The following PLCL2 variants were observed in gnomAD, a reference collection of about 807,000 sequenced individuals.
PLCL2 encodes phospholipase C like 2.
Under a neutral mutation model 79.6 loss-of-function variants are expected in PLCL2, and 4 were observed. The observed-to-expected ratio is 0.05, with a 90% CI of 0.02 to 0.11. The LOEUF is 0.11. PLCL2 is among the 10% of genes least tolerant of loss of function. PLCL2 has a pLI of 1.00. For missense variants in PLCL2, 895 were observed against 1,291.0 expected, an observed-to-expected ratio of 0.69 and a Z score of 4.70; for synonymous variants, 484 against 457.7, an observed-to-expected ratio of 1.06 and a Z score of -0.73.
intron 4 of PLCL2, among the ~76,000 whole-genome samples, chr3:17,053,733 G>A (rs1441269403): frequency 6.6e-6 from 1 of 152,158 alleles, no homozygotes. Flanking sequence ...TCGAAAGGGA[G>A]AAATCAGCCA....
At chr3:16,987,035 CCAG>C (rs2064057106) in intron 1 of PLCL2, among the ~76,000 whole-genome samples, 1 of 151,018 alleles carries the variant, frequency 6.6e-6, no homozygotes, top group Admixed American at 6.6e-5. Context: ...GGTCTGGGTG[CCAG>C]ACCCCATAAA....
intron 3 of PLCL2, among the ~76,000 whole-genome samples, chr3:17,027,842 A>G (rs965093253): frequency 6.6e-6 from 1 of 152,222 alleles, no homozygotes; most frequent in African/African-American, 2.4e-5. Context: ...TAAAGAAACA[A>G]GAGGTGGAAA....
At chr3:17,013,972 A>C (rs1298048856) in intron 2 of PLCL2, among the ~76,000 whole-genome samples, 2 of 152,232 alleles carry the variant, frequency 1.3e-5, no homozygotes, top group African/African-American at 4.8e-5. Flanking sequence ...AAATGGAAGT[A>C]ATGTGTAATA....
intron 1 of PLCL2, among the ~76,000 whole-genome samples, chr3:16,986,293 C>G (rs1176325773): frequency 1.3e-5 from 2 of 152,092 alleles, no homozygotes; most frequent in African/African-American, 4.8e-5. Context: ...TATGGTTCCC[C>G]TAGTGCTGGG....
intron 1 of PLCL2, among the ~76,000 whole-genome samples, chr3:16,939,201 G>A (rs1463265183): frequency 3.3e-5 from 5 of 152,186 alleles, no homozygotes; most frequent in African/African-American, 4.8e-5. Context: ...TGAGAGTCTA[G>A]TAGCTGTTGG....
At chr3:16,956,209 A>G (rs988522055) in intron 1 of PLCL2, among the ~76,000 whole-genome samples, 2 of 152,126 alleles carry the variant, frequency 1.3e-5, no homozygotes, top group Admixed American at 1.3e-4. Context: ...TCCCATCAAT[A>G]CCTAATTTAT....
At chr3:16,973,518 CTG>C (rs777202316) in intron 1 of PLCL2, among the ~76,000 whole-genome samples, 96 of 152,208 alleles carry the variant, frequency 6.3e-4, no homozygotes, top group Non-Finnish European at 9.7e-4. Context: ...CTAGAAATCT[CTG>C]TATTCCTTAA....
Position 16,903,704 on chromosome 3 carries a change from A to G in PLCL2, c.327+18338A>G, listed in dbSNP as rs552264341. 1.8e-4 allele frequency among the ~76,000 whole-genome samples: 27 copies of G among 152,326 alleles called. No homozygotes were observed. In the East Asian group the frequency reaches 3.7e-3, roughly 21 times the overall value. On this transcript the variant is annotated intron_variant, in intron 1 of 5. Transcript: ENST00000615277. ...AGCAAAGTCATGTGTTATATGGTCA[A>G]GTGGGAGAAGTCACACCTAACTGGA...
intron 4 of PLCL2, among the ~76,000 whole-genome samples, chr3:17,065,344 A>C (rs1043803997): frequency 1.3e-5 from 2 of 152,164 alleles, no homozygotes; most frequent in Admixed American, 1.3e-4. Context: ...TGCATCTTCA[A>C]GTCCCCAATC....
At chr3:16,947,592 G>A (rs2063614480) in intron 1 of PLCL2, among the ~76,000 whole-genome samples, 1 of 152,086 alleles carries the variant, frequency 6.6e-6, no homozygotes, top group Admixed American at 6.6e-5. Flanking sequence ...TCCTCTGCCT[G>A]CTTTTCAACA....
intron 3 of PLCL2, among the ~76,000 whole-genome samples, chr3:17,032,599 A>C (rs1010171232): frequency 2.6e-5 from 4 of 152,028 alleles, no homozygotes; most frequent in Non-Finnish European, 5.9e-5. Context: ...TGTATTACTA[A>C]GGACTTCTAG....
intron 1 of PLCL2, among the ~76,000 whole-genome samples, chr3:16,907,733 T>TATTATTATTATTAATTATTAG (rs1428688203): frequency 6.6e-6 from 1 of 152,178 alleles, no homozygotes; most frequent in Non-Finnish European, 1.5e-5. Context: ...AGCACAGCTT[T>TATTATTATTATTAATTATTAG]CAATAATTAT....
intron 5 of PLCL2, among the ~76,000 whole-genome samples, chr3:17,077,792 C>A (rs1167296142): frequency 6.6e-6 from 1 of 152,174 alleles, no homozygotes; most frequent in African/African-American, 2.4e-5. Context: ...GGGACAGGGA[C>A]CTCAGGGAAC....
intron 2 of PLCL2, among the ~76,000 whole-genome samples, chr3:17,012,454 G>GTA (rs1242781554): frequency 2.0e-5 from 3 of 152,072 alleles, no homozygotes; most frequent in African/African-American, 7.2e-5. Context: ...TTTTCTAATA[G>GTA]TATACATGGG....
chr3:16,975,038 G>A (rs2063910046), intron 1 of PLCL2, among the ~76,000 whole-genome samples: 1 of 152,208 alleles, frequency 6.6e-6, no homozygotes, highest in Non-Finnish European at 1.5e-5. Flanking sequence ...TCAAGTAGAG[G>A]AAAGGGTGCT....
chr3:17,050,395 G>T (rs951322364), intron 4 of PLCL2, among the ~76,000 whole-genome samples: 3 of 151,940 alleles, frequency 2.0e-5, no homozygotes, highest in African/African-American at 7.2e-5. Context: ...CACACTGAAT[G>T]GGACAAGGAA....
At chr3:16,923,359 C>T (rs1697168315) in intron 1 of PLCL2, among the ~76,000 whole-genome samples, 1 of 152,208 alleles carries the variant, frequency 6.6e-6, no homozygotes, top group Non-Finnish European at 1.5e-5. Context: ...TGCAGCACAG[C>T]TGCAAAAGGA....
chr3:17,058,576 C>T (rs73151357), intron 4 of PLCL2, among the ~76,000 whole-genome samples: 13,364 of 152,036 alleles, frequency 0.088, 680 homozygotes, highest in South Asian at 0.16. Context: ...AAGTTTGATA[C>T]GCCTAGTTCA....
chr3:17,042,612 A>T (rs2064736685), intron 3 of PLCL2: 1 of 299,950 alleles, frequency 3.3e-6, no homozygotes, highest in African/African-American at 2.1e-5. Flanking sequence ...TCAGTATATT[A>T]GCTCAGGGTT....
Sources: gnomAD v4.1 joint callset for allele counts (sites outside exome capture counted in the v4.1 genomes callset) on GRCh38, gnomAD v4.1.1 for gene constraint, MANE v1.5 for transcripts, NCBI Gene and HGNC (gene_info 2026-07-23, HGNC 2026-07-21) for gene names.